MYT1L: variants seen among roughly 807,000 people sequenced by gnomAD.
MYT1L encodes the protein myelin transcription factor 1-like protein.
Under a neutral mutation model 126.7 loss-of-function variants are expected in MYT1L, and 12 were observed. That is an observed-to-expected ratio of 0.09 (90% CI 0.06 to 0.15). The LOEUF (loss-of-function observed/expected upper bound fraction) is 0.15, where lower values mean the gene tolerates loss of function less well. MYT1L is among the 10% of genes least tolerant of loss of function. The pLI is 1.00. For missense variants in MYT1L, 979 were observed against 1,585.2 expected (o/e 0.62, Z 6.49); for synonymous variants, 541 against 604.2 (o/e 0.90, Z 1.53).
At chr2:2,136,528 C>G (rs1437142861) in intron 3 of MYT1L, among the ~76,000 whole-genome samples, 1 of 152,164 alleles carries the variant, frequency 6.6e-6, no homozygotes, top group Non-Finnish European at 1.5e-5. Context: ...GAGGAGGGAG[C>G]AAGTCAATCA....
chr2:2,103,311 T>C (rs2078326378), intron 3 of MYT1L, among the ~76,000 whole-genome samples: 1 of 152,212 alleles, frequency 6.6e-6, no homozygotes, highest in Non-Finnish European at 1.5e-5. Context: ...CCAGGGCTCC[T>C]CTGCAGTGCT....
intron 2 of MYT1L, among the ~76,000 whole-genome samples, chr2:2,272,597 G>A (rs556578769): frequency 2.0e-5 from 3 of 152,224 alleles, no homozygotes; most frequent in Middle Eastern, 3.4e-3. Context: ...CTTCTGCCTC[G>A]ACTCCTTCAA....
At chr2:2,207,410 G>A (rs948589462) in intron 2 of MYT1L, among the ~76,000 whole-genome samples, 3 of 152,100 alleles carry the variant, frequency 2.0e-5, no homozygotes, top group African/African-American at 4.8e-5. Flanking sequence ...GTCCAGAAAC[G>A]CCCTGAGGAA....
Position 2,213,019 on chromosome 2 carries a change from C to T in MYT1L, c.-420-40031G>A, listed in dbSNP as rs554567484. On this transcript the variant is annotated intron_variant, in intron 2 of 24. Coordinates refer to ENST00000647738, the MANE Select transcript of MYT1L (RefSeq NM_001303052.2). Reference sequence around the variant, plus strand: ...ACAGAGTGGACTTTATTCTCATCAACCAGAGACTTTGGGATGGAAGAACTG... The same window carrying T: ...ACAGAGTGGACTTTATTCTCATCAATCAGAGACTTTGGGATGGAAGAACTG... 3.3e-5 allele frequency among the ~76,000 whole-genome samples: 5 copies of T among 152,142 alleles called. No individual in the cohort carries two copies. The East Asian group carries it at 9.7e-4, about 29-fold the overall frequency.
At chr2:1,799,364 T>C (rs565554328) in intron 23 of MYT1L, among the ~76,000 whole-genome samples, 1 of 152,262 alleles carries the variant, frequency 6.6e-6, no homozygotes, top group Non-Finnish European at 1.5e-5. Context: ...CGTAGGCACA[T>C]GCGTTGTTCT....
intron 2 of MYT1L, among the ~76,000 whole-genome samples, chr2:2,255,856 T>G (rs1293661407): frequency 1.3e-5 from 2 of 152,180 alleles, no homozygotes; most frequent in African/African-American, 4.8e-5. Flanking sequence ...ATAAGAGCAG[T>G]AACAGCTTAT....
chr2:1,843,778 CT>C (rs2042150058), intron 19 of MYT1L, among the ~76,000 whole-genome samples: 1 of 152,226 alleles, frequency 6.6e-6, no homozygotes, highest in Non-Finnish European at 1.5e-5. Flanking sequence ...GCCCTGCCCC[CT>C]GCCCTGTCCC....
chr2:1,831,131 G>A (rs1029098610), intron 21 of MYT1L, among the ~76,000 whole-genome samples: 6 of 148,316 alleles, frequency 4.0e-5, no homozygotes, highest in Non-Finnish European at 9.1e-5. Context: ...AACCCCACTC[G>A]GGTGCCCGAC....
chr2:2,088,609 T>C (rs915640838), intron 3 of MYT1L, among the ~76,000 whole-genome samples: 5 of 151,600 alleles, frequency 3.3e-5, no homozygotes, highest in Admixed American at 6.6e-5. Context: ...CGGGTCTGAT[T>C]CAAAAGGGGT....
At position 2,175,219 on chromosome 2, in the gene MYT1L, C is replaced by T. The variant is rs1245410553; in HGVS notation, c.-420-2231G>A. Among the ~76,000 whole-genome samples, 2 of 152,114 alleles carry T rather than the reference C, an allele frequency of 1.3e-5. 1 individual carries two copies. Among genetic ancestry groups the T allele is most frequent in the African/African-American group, 4.8e-5 (2 of 41,360 alleles). On this transcript the variant is annotated intron_variant, in intron 2 of 24. Coordinates refer to ENST00000647738, the MANE Select transcript of MYT1L (RefSeq NM_001303052.2). ...CCCTCTCTTGCCAGGGCGGTGCCCACCACCCCTGTGGGACACAGATGGAAA... is the reference window on the plus strand; with the variant it reads ...CCCTCTCTTGCCAGGGCGGTGCCCATCACCCCTGTGGGACACAGATGGAAA...
At chr2:2,114,830 C>A (rs575878417) in intron 3 of MYT1L, among the ~76,000 whole-genome samples, 1 of 152,292 alleles carries the variant, frequency 6.6e-6, no homozygotes, top group African/African-American at 2.4e-5. Flanking sequence ...TCAGTCTGGG[C>A]TTTTCAGGTT....
At chr2:1,809,013 G>A in intron 22 of MYT1L, 63 bp downstream of exon 22, 9 of 1,415,998 alleles carry the variant, frequency 6.4e-6, no homozygotes, top group Non-Finnish European at 9.0e-6. Context: ...CACACAGCTG[G>A]CATGGCCGTG....
chr2:2,138,524 A>T, intron 3 of MYT1L, among the ~76,000 whole-genome samples: 1 of 146,372 alleles, frequency 6.8e-6, no homozygotes, highest in African/African-American at 2.5e-5. Context: ...ACAAAAAATG[A>T]TGAGTTCATG....
At chr2:1,898,049 A>G (rs2049852187) in intron 14 of MYT1L, among the ~76,000 whole-genome samples, 1 of 152,252 alleles carries the variant, frequency 6.6e-6, no homozygotes, top group Non-Finnish European at 1.5e-5. Context: ...AAACAAAAAA[A>G]TACAAAACCT....
chr2:2,187,193 A>G (rs2092274412), intron 2 of MYT1L, among the ~76,000 whole-genome samples: 1 of 151,904 alleles, frequency 6.6e-6, no homozygotes, highest in Non-Finnish European at 1.5e-5. Flanking sequence ...CCTTTCCTAA[A>G]TCTGCCTTTG....
intron 5 of MYT1L, among the ~76,000 whole-genome samples, chr2:1,991,924 C>T (rs1412512167): frequency 6.6e-6 from 1 of 152,142 alleles, no homozygotes; most frequent in Non-Finnish European, 1.5e-5. Flanking sequence ...GGTCCTTTCA[C>T]CTCTCAGAGG....
At chr2:1,802,795 A>G (rs886334360) in intron 22 of MYT1L, among the ~76,000 whole-genome samples, 1 of 152,226 alleles carries the variant, frequency 6.6e-6, no homozygotes, top group African/African-American at 2.4e-5. Flanking sequence ...TTGGGTGTAC[A>G]CAGAAGGAGA....
At chr2:2,091,119 A>T (rs754870036) in intron 3 of MYT1L, among the ~76,000 whole-genome samples, 8 of 152,226 alleles carry the variant, frequency 5.3e-5, no homozygotes, top group Admixed American at 3.3e-4. Flanking sequence ...CCAATTGTGA[A>T]TTCTTTCCAG....
intron 3 of MYT1L, among the ~76,000 whole-genome samples, chr2:2,119,039 C>A (rs2080606173): frequency 6.6e-6 from 1 of 152,248 alleles, no homozygotes; most frequent in Non-Finnish European, 1.5e-5. Flanking sequence ...GTGGTTAAGA[C>A]AAACATTTGA....
Sources: gnomAD v4.1 joint callset for allele counts (sites outside exome capture counted in the v4.1 genomes callset) on GRCh38, gnomAD v4.1.1 for gene constraint, MANE v1.5 for transcripts, NCBI Gene and HGNC (gene_info 2026-07-23, HGNC 2026-07-21) for gene names.